The following ZDHHC17 variants were observed in gnomAD, a reference collection of about 807,000 sequenced individuals.
ZDHHC17 encodes palmitoyltransferase ZDHHC17.
In ZDHHC17, 40 loss-of-function variants were observed where a neutral mutation model predicts 90.3. The observed-to-expected ratio is 0.44, with a 90% confidence interval of 0.34 to 0.58. ZDHHC17 has a LOEUF of 0.58. ZDHHC17 is among the 20% of genes least tolerant of loss of function. The pLI, the probability that ZDHHC17 is intolerant of heterozygous loss-of-function variation, is 0.01. For synonymous variants in ZDHHC17, 235 were observed against 252.4 expected (o/e 0.93, Z 0.65); for missense variants, 614 against 780.8 (o/e 0.79, Z 2.55).
chr12:76,842,030 C>T lies in ZDHHC17; in HGVS notation c.1190C>T (p.Ala397Val). ...CTTCCATTCCTTGCCAATAGTGTTGCACTTTTCTACAATTTTGGAAAATCT... is the reference window on the plus strand; with the variant it reads ...CTTCCATTCCTTGCCAATAGTGTTGTACTTTTCTACAATTTTGGAAAATCT... ...IHLPFLANSV[A>V]LFYNFGKSWK... Residue 397 changes from alanine (A) to valine (V), a missense_variant, in exon 11 of 17, where the codon GCA becomes GTA. Ala to Val is a moderately conservative substitution (Grantham distance 64). This residue lies in a region of ZDHHC17 where 117 missense variants were observed against 183.6 expected (regional missense o/e 0.64). Coordinates refer to ENST00000426126, the MANE Select transcript of ZDHHC17 (RefSeq NM_015336.4). 6.2e-7 allele frequency: 1 copy of T among 1,600,626 alleles called. No homozygotes were observed. Among genetic ancestry groups the T allele is most frequent in the Non-Finnish European group, 8.5e-7 (1 of 1,173,676 alleles).
intron 10 of ZDHHC17, among the ~76,000 whole-genome samples, chr12:76,835,501 A>T (rs1218648159): frequency 1.3e-5 from 2 of 152,016 alleles, no homozygotes; most frequent in Non-Finnish European, 2.9e-5. Flanking sequence ...ATTTATTTTT[A>T]AAAGAATTTT....
At chr12:76,806,374 G>A (rs1053698831) in intron 3 of ZDHHC17, among the ~76,000 whole-genome samples, 11 of 152,076 alleles carry the variant, frequency 7.2e-5, no homozygotes, top group African/African-American at 2.7e-4. Context: ...TGCCTCCTGG[G>A]TTCAAGCAAT....
intron 1 of ZDHHC17, chr12:76,764,784 G>C: frequency 2.2e-6 from 1 of 458,086 alleles, no homozygotes; most frequent in Non-Finnish European, 4.4e-6. Context: ...TGAGGGGACA[G>C]TTTCATGGGC....
intron 10 of ZDHHC17, among the ~76,000 whole-genome samples, chr12:76,828,823 A>AG: frequency 6.6e-6 from 1 of 152,098 alleles, no homozygotes; most frequent in Non-Finnish European, 1.5e-5. Flanking sequence ...TTATTTTTAT[A>AG]GATTCAGGGG....
intron 1 of ZDHHC17, among the ~76,000 whole-genome samples, chr12:76,767,667 C>A (rs893508069): frequency 1.1e-4 from 17 of 152,170 alleles, no homozygotes; most frequent in African/African-American, 4.1e-4. Flanking sequence ...CGCCTGTAAT[C>A]CCAGGGTTTA....
chr12:76,768,931 A>T, intron 1 of ZDHHC17: 2 of 168,004 alleles, frequency 1.2e-5, no homozygotes, highest in South Asian at 1.0e-4. Flanking sequence ...CTCTCTTTTT[A>T]TGGTAACGTT....
chr12:76,847,938 T>C lies in ZDHHC17; in HGVS notation c.1508-295T>C, dbSNP rs1208808340. On this transcript the variant is annotated intron_variant, in intron 14 of 16. Coordinates refer to ENST00000426126, the MANE Select transcript of ZDHHC17 (RefSeq NM_015336.4). The stretch of plus-strand genomic sequence containing the variant: ...TCTCTTTCATATATCCTCTCATCTT[T>C]GTGTAAAGAAAATGTTTTTCTAAGT... Among the ~76,000 whole-genome samples the C allele has an allele frequency of 1.3e-5, 2 of 152,212 alleles. 1 individual carries two copies. Among genetic ancestry groups the C allele is most frequent in the South Asian group, 4.1e-4 (2 of 4,836 alleles).
chr12:76,813,526 A>G (rs1953050114), intron 5 of ZDHHC17: 12 of 291,986 alleles, frequency 4.1e-5, no homozygotes, highest in South Asian at 3.4e-4. Context: ...TTTTTTCTTC[A>G]ATATGCTTAG....
chr12:76,802,359 C>A (rs567075958), intron 2 of ZDHHC17, among the ~76,000 whole-genome samples: 8 of 152,188 alleles, frequency 5.3e-5, no homozygotes, highest in Non-Finnish European at 1.0e-4. Context: ...GCCTCTCTCT[C>A]GTTCCTTTCA....
At chr12:76,805,539 A>G (rs762005608) in intron 3 of ZDHHC17, 100 bp downstream of exon 3, 13 of 1,091,666 alleles carry the variant, frequency 1.2e-5, no homozygotes, top group African/African-American at 1.6e-5. Context: ...TCTAAAATTC[A>G]TGGCTTTTAG....
intron 1 of ZDHHC17, among the ~76,000 whole-genome samples, chr12:76,783,155 C>G (rs1368835475): frequency 6.6e-6 from 1 of 152,134 alleles, no homozygotes. Context: ...CAAGAGAGAG[C>G]CCAAGGTTAG....
intron 12 of ZDHHC17, 114 bp from the exon 13 acceptor site, chr12:76,845,595 T>C: frequency 2.4e-6 from 1 of 423,730 alleles, no homozygotes; most frequent in Non-Finnish European, 4.1e-6. Flanking sequence ...TGATATAATC[T>C]TGTTTAAAAA....
chr12:76,767,975 T>C (rs150871887), intron 1 of ZDHHC17, among the ~76,000 whole-genome samples: 14 of 152,252 alleles, frequency 9.2e-5, no homozygotes, highest in South Asian at 2.1e-4. Flanking sequence ...CTTACTGTTA[T>C]CATGGTCAAA....
Position 76,784,457 on chromosome 12 carries a change from G to A in ZDHHC17, c.94-12977G>A, listed in dbSNP as rs761101751. Among the ~76,000 whole-genome samples, 21 of 152,122 alleles carry A rather than the reference G, an allele frequency of 1.4e-4. 1 individual carries two copies. Among genetic ancestry groups the A allele is most frequent in the Non-Finnish European group, 2.6e-4 (18 of 68,018 alleles). On this transcript the variant is annotated intron_variant, in intron 1 of 16. Coordinates refer to ENST00000426126, the MANE Select transcript of ZDHHC17 (RefSeq NM_015336.4). Reference sequence around the variant, plus strand: ...CCAAAGAAATCAGCAGTATATAAATGGATAACTTGTTTTAAGAAAGGATAA... The same window carrying A: ...CCAAAGAAATCAGCAGTATATAAATAGATAACTTGTTTTAAGAAAGGATAA...
intron 1 of ZDHHC17, among the ~76,000 whole-genome samples, chr12:76,796,768 G>A (rs1221443227): frequency 2.0e-5 from 3 of 152,210 alleles, no homozygotes; most frequent in Non-Finnish European, 4.4e-5. Context: ...TTAAAGTAGA[G>A]TGTTAGAGCT....
chr12:76,796,657 A>G (rs1057257341), intron 1 of ZDHHC17, among the ~76,000 whole-genome samples: 4 of 152,206 alleles, frequency 2.6e-5, no homozygotes, highest in African/African-American at 7.2e-5. Flanking sequence ...AGTTTAGGAA[A>G]GGTGATATCT....
chr12:76,768,793 A>G (rs760985087), intron 1 of ZDHHC17, among the ~76,000 whole-genome samples: 8 of 152,158 alleles, frequency 5.3e-5, no homozygotes, highest in Non-Finnish European at 1.2e-4. Flanking sequence ...CACAGGGGCT[A>G]TTTCAGAACC....
At chr12:76,789,435 A>C (rs1952733035) in intron 1 of ZDHHC17, among the ~76,000 whole-genome samples, 1 of 152,324 alleles carries the variant, frequency 6.6e-6, no homozygotes, top group East Asian at 1.9e-4. Context: ...ATCTCAGTTC[A>C]GTTAGGACAT....
Position 76,796,276 on chromosome 12 carries a change from CAT to C in ZDHHC17, c.94-1155_94-1154del, listed in dbSNP as rs1001645185. On this transcript the variant is annotated intron_variant, in intron 1 of 16. Coordinates refer to ENST00000426126, the MANE Select transcript of ZDHHC17 (RefSeq NM_015336.4). ...ATTTATCCTTTTATTTATATTTACA[CAT>C]ATGTTTGTCAAAAATATCAGAAACA... 2.0e-4 allele frequency among the ~76,000 whole-genome samples: 31 copies of C among 152,180 alleles called. No homozygotes were observed. In the South Asian group the frequency reaches 3.5e-3, roughly 17 times the overall value.
Sources: gnomAD v4.1 joint callset for allele counts (sites outside exome capture counted in the v4.1 genomes callset) on GRCh38, gnomAD v4.1.1 for gene constraint, gnomAD v4.1.1 regional missense constraint, MANE v1.5 for transcripts, NCBI Gene and HGNC (gene_info 2026-07-23, HGNC 2026-07-21) for gene names.